Variants in CPQ observed in about 807,000 individuals in gnomAD.
CPQ encodes Ser-Met dipeptidase.
Under a neutral mutation model 45.7 loss-of-function variants are expected in CPQ, and 37 were observed. The observed-to-expected ratio is 0.81, with a 90% CI of 0.62 to 1.07. CPQ has a LOEUF of 1.07. Ranked by LOEUF, CPQ falls within the 50% of genes least tolerant of loss-of-function variation. The pLI is 0.00. For missense variants in CPQ, 537 were observed against 572.9 expected (o/e 0.94, Z 0.64); for synonymous variants, 186 against 205.8 (o/e 0.90, Z 0.82).
chr8:96,958,163 C>G (rs1353872345), intron 4 of CPQ, among the ~76,000 whole-genome samples: 1 of 151,992 alleles, frequency 6.6e-6, no homozygotes, highest in Non-Finnish European at 1.5e-5. Flanking sequence ...AAAATCCCAC[C>G]CACTTAGCAT....
intron 5 of CPQ, among the ~76,000 whole-genome samples, chr8:97,013,625 A>T (rs901335173): frequency 6.6e-6 from 1 of 152,194 alleles, no homozygotes; most frequent in Admixed American, 6.5e-5. Flanking sequence ...AAAAGAAAGG[A>T]CAAACCAGAT....
intron 4 of CPQ, among the ~76,000 whole-genome samples, chr8:96,886,485 T>C (rs890012346): frequency 6.6e-6 from 1 of 152,362 alleles, no homozygotes; most frequent in African/African-American, 2.4e-5. Flanking sequence ...CATCTGTGAA[T>C]AGGTTTTATT....
intron 4 of CPQ, among the ~76,000 whole-genome samples, chr8:96,884,897 A>G (rs1563520758): frequency 6.6e-6 from 1 of 152,230 alleles, no homozygotes; most frequent in Non-Finnish European, 1.5e-5. Context: ...TAAATAACTT[A>G]TAAAATTAGC....
intron 1 of CPQ, among the ~76,000 whole-genome samples, chr8:96,740,212 C>G (rs1427913838): frequency 6.6e-6 from 1 of 152,050 alleles, no homozygotes; most frequent in African/African-American, 2.4e-5. Flanking sequence ...GTATTTTATT[C>G]TTTTTAAAGC....
intron 4 of CPQ, among the ~76,000 whole-genome samples, chr8:96,956,243 CTT>C (rs1242361921): frequency 6.6e-6 from 1 of 152,172 alleles, no homozygotes; most frequent in Non-Finnish European, 1.5e-5. Flanking sequence ...GCAGGTCTAT[CTT>C]TATAACATTC....
At chr8:97,104,374 C>T (rs1811365831) in intron 7 of CPQ, among the ~76,000 whole-genome samples, 1 of 152,210 alleles carries the variant, frequency 6.6e-6, no homozygotes, top group South Asian at 2.1e-4. Flanking sequence ...GGCTTCTATG[C>T]TGATGATTGT....
At chr8:96,962,390 A>G (rs980263061) in intron 4 of CPQ, among the ~76,000 whole-genome samples, 9 of 152,234 alleles carry the variant, frequency 5.9e-5, no homozygotes, top group Non-Finnish European at 1.0e-4. Context: ...AGGATGCAGA[A>G]CACAAGGGGT....
rs145398450 is a variant in CPQ at position 97,124,901 on chromosome 8, G to A, written c.1256-18119G>A. Reference sequence around the variant, plus strand: ...CAACAAAAATACTAACCTTAAGTACGTAGAAAAAAGTAGAAATCAATGAAA... The same window carrying A: ...CAACAAAAATACTAACCTTAAGTACATAGAAAAAAGTAGAAATCAATGAAA... On this transcript the variant is annotated intron_variant, in intron 7 of 7. Transcript: ENST00000220763. Among the ~76,000 whole-genome samples the A allele has an allele frequency of 7.9e-3, 1,196 of 151,980 alleles. 11 individuals carry two copies. Among genetic ancestry groups the A allele is most frequent in the South Asian group, 0.047 (227 of 4,812 alleles).
intron 4 of CPQ, among the ~76,000 whole-genome samples, chr8:96,896,232 A>G (rs965657588): frequency 1.3e-5 from 2 of 152,040 alleles, no homozygotes; most frequent in Non-Finnish European, 2.9e-5. Flanking sequence ...ACCCTAACCA[A>G]TACTCCTTAA....
rs138255653 is a variant in CPQ at position 96,693,839 on chromosome 8, G to A, written c.-35+48437G>A. ...GGAATATTATAACACTGTAATTGTGGTTTGTAAATTACCCATATCTTAAGT... is the reference window on the plus strand; with the variant it reads ...GGAATATTATAACACTGTAATTGTGATTTGTAAATTACCCATATCTTAAGT... On this transcript the variant is annotated intron_variant, in intron 1 of 7. Coordinates refer to ENST00000220763, the MANE Select transcript of CPQ (RefSeq NM_016134.4). 3.1e-4 allele frequency among the ~76,000 whole-genome samples: 47 copies of A among 152,250 alleles called. No homozygotes were observed. In the East Asian group the frequency reaches 7.9e-3, roughly 26 times the overall value.
At chr8:96,717,025 AT>A (rs1809685025) in intron 1 of CPQ, among the ~76,000 whole-genome samples, 2 of 1,194 alleles carry the variant, frequency 1.7e-3, no homozygotes, top group Non-Finnish European at 2.3e-3. Context: ...CATGATATAA[AT>A]ATATATATAT....
At chr8:96,678,702 A>G (rs1336641402) in intron 1 of CPQ, among the ~76,000 whole-genome samples, 1 of 137,960 alleles carries the variant, frequency 7.2e-6, no homozygotes, top group Admixed American at 7.2e-5. Flanking sequence ...TGTGTATCTT[A>G]TTTTAAGAAA....
chr8:96,913,637 G>A lies in CPQ; in HGVS notation c.849+33632G>A, dbSNP rs115771072. ...CCAAGGTATGATTTCAGGATGGAGA[G>A]TAAATTCTTTGTGTTTCCCATCTCT... On this transcript the variant is annotated intron_variant, in intron 4 of 7. Transcript: ENST00000220763. Among the ~76,000 whole-genome samples the A allele has an allele frequency of 8.5e-3, 1,301 of 152,300 alleles. 20 individuals carry two copies. Among genetic ancestry groups the A allele is most frequent in the African/African-American group, 0.029 (1,225 of 41,564 alleles).
chr8:96,825,781 C>T (rs892560460), intron 2 of CPQ, among the ~76,000 whole-genome samples: 4 of 151,954 alleles, frequency 2.6e-5, no homozygotes, highest in Admixed American at 6.6e-5. Flanking sequence ...TTTTACTTCT[C>T]TAAGAAGAAC....
chr8:96,712,607 A>G (rs1246449541), intron 1 of CPQ, among the ~76,000 whole-genome samples: 1 of 152,202 alleles, frequency 6.6e-6, no homozygotes, highest in Non-Finnish European at 1.5e-5. Context: ...CAACAGCCTG[A>G]GCTGTACTTA....
intron 2 of CPQ, among the ~76,000 whole-genome samples, chr8:96,794,487 T>G (rs780260571): frequency 2.0e-5 from 3 of 152,192 alleles, no homozygotes; most frequent in Non-Finnish European, 4.4e-5. Context: ...CCTTCAGGCC[T>G]GTAATGGGAG....
intron 6 of CPQ, among the ~76,000 whole-genome samples, chr8:97,045,790 G>A (rs964580714): frequency 1.6e-4 from 25 of 152,158 alleles, no homozygotes; most frequent in Admixed American, 5.2e-4. Context: ...ACACTAACAC[G>A]TAAACATCAA....
intron 4 of CPQ, among the ~76,000 whole-genome samples, chr8:96,946,157 C>T (rs1427197200): frequency 6.6e-6 from 1 of 151,344 alleles, no homozygotes; most frequent in Non-Finnish European, 1.5e-5. Flanking sequence ...CTTCAGCACT[C>T]GTCTGTTTGC....
At chr8:97,122,781 A>G (rs1348329819) in intron 7 of CPQ, among the ~76,000 whole-genome samples, 2 of 150,864 alleles carry the variant, frequency 1.3e-5, no homozygotes, top group Non-Finnish European at 2.9e-5. Context: ...GCTTCTCAGC[A>G]GCCTGAGGCA....
Sources: gnomAD v4.1 joint callset for allele counts (sites outside exome capture counted in the v4.1 genomes callset) on GRCh38, gnomAD v4.1.1 for gene constraint, MANE v1.5 for transcripts, NCBI Gene and HGNC (gene_info 2026-07-23, HGNC 2026-07-21) for gene names.